The following WWOX variants were observed in gnomAD, a reference collection of about 807,000 sequenced individuals.
WWOX encodes WW domain containing oxidoreductase, also known as WW domain-containing oxidoreductase.
WWOX carries 69 observed loss-of-function variants against 46.2 expected under a neutral mutation model. The ratio of observed to expected loss-of-function variants is 1.49; its 90% CI spans 1.23 to 1.82. The LOEUF is 1.82. WWOX is among the 40% of genes most tolerant of loss of function. The pLI is 0.00. For missense variants in WWOX, 919 were observed against 542.6 expected (o/e 1.69, Z -6.89); for synonymous variants, 359 against 202.6 (o/e 1.77, Z -6.56).
At chr16:78,830,678 G>C (rs2051795093) in intron 8 of WWOX, among the ~76,000 whole-genome samples, 1 of 151,816 alleles carries the variant, frequency 6.6e-6, no homozygotes, top group Admixed American at 6.6e-5. Flanking sequence ...GATTGGGGCT[G>C]ACAGGTACGG....
At chr16:78,768,216 A>G (rs1207575868) in intron 8 of WWOX, among the ~76,000 whole-genome samples, 2 of 147,736 alleles carry the variant, frequency 1.4e-5, no homozygotes, top group Non-Finnish European at 3.0e-5. Flanking sequence ...TGAAGCAACT[A>G]GGTCACAGTA....
chr16:78,771,784 TAAATAAATAA>T lies in WWOX; in HGVS notation c.1056+339034_1056+339043del, dbSNP rs2050070957. On this transcript the variant is annotated intron_variant, in intron 8 of 8. Coordinates refer to ENST00000566780, the MANE Select transcript of WWOX (RefSeq NM_016373.4). ...AAGACTCTGTCTCACAATAAATAAA[TAAATAAATAA>T]ATAAATAAATAAATAAATAAGAGTT... is the stretch of plus-strand genomic sequence containing the variant. 2.7e-5 allele frequency among the ~76,000 whole-genome samples: 4 copies of T among 148,560 alleles called. No individual in the cohort carries two copies. In the South Asian group the frequency reaches 8.4e-4, roughly 31 times the overall value.
chr16:78,756,799 C>T (rs1008339169), intron 8 of WWOX: 4 of 537,604 alleles, frequency 7.4e-6, no homozygotes, highest in Admixed American at 2.8e-5. Context: ...AGCCATGTCT[C>T]AGCATAGTCT....
intron 6 of WWOX, among the ~76,000 whole-genome samples, chr16:78,400,573 C>G (rs2082388854): frequency 6.6e-6 from 1 of 152,058 alleles, no homozygotes; most frequent in Non-Finnish European, 1.5e-5. Context: ...TTTTATTTCC[C>G]AACTTGGCCC....
At chr16:78,726,565 G>C (rs2048841484) in intron 8 of WWOX, among the ~76,000 whole-genome samples, 1 of 149,548 alleles carries the variant, frequency 6.7e-6, no homozygotes, top group South Asian at 2.1e-4. Flanking sequence ...AGTGCTTTTT[G>C]TTCCCCCATG....
intron 4 of WWOX, among the ~76,000 whole-genome samples, chr16:78,150,409 TGCCCAG>T (rs1270458307): frequency 6.6e-6 from 1 of 151,870 alleles, no homozygotes; most frequent in African/African-American, 2.4e-5. Flanking sequence ...CTCGCTCTGT[TGCCCAG>T]GCTGCAGTGC....
At chr16:78,690,456 A>G (rs996370304) in intron 8 of WWOX, among the ~76,000 whole-genome samples, 5 of 152,094 alleles carry the variant, frequency 3.3e-5, no homozygotes, top group African/African-American at 9.7e-5. Context: ...GGAAGCTGAG[A>G]TGGGAGGATT....
At chr16:78,954,419 G>C (rs1229616177) in intron 8 of WWOX, among the ~76,000 whole-genome samples, 1 of 152,180 alleles carries the variant, frequency 6.6e-6, no homozygotes, top group Non-Finnish European at 1.5e-5. Context: ...TGAATGAGTA[G>C]TTGGATGGAT....
chr16:78,294,184 C>T (rs1597451480), intron 5 of WWOX, among the ~76,000 whole-genome samples: 1 of 151,986 alleles, frequency 6.6e-6, no homozygotes, highest in South Asian at 2.1e-4. Flanking sequence ...CATAAGGATT[C>T]TCCCTGCCTC....
At chr16:78,843,470 G>C (rs917615014) in intron 8 of WWOX, among the ~76,000 whole-genome samples, 1 of 150,048 alleles carries the variant, frequency 6.7e-6, no homozygotes, top group Non-Finnish European at 1.5e-5. Context: ...TGTCAGCTTT[G>C]CCTAAGCTTT....
intron 5 of WWOX, among the ~76,000 whole-genome samples, chr16:78,234,776 C>T (rs908151891): frequency 6.7e-5 from 7 of 103,982 alleles, no homozygotes; most frequent in Non-Finnish European, 1.1e-4. Flanking sequence ...AATGATAAAA[C>T]AAAACAAAAC....
intron 8 of WWOX, among the ~76,000 whole-genome samples, chr16:79,138,067 A>C (rs980116936): frequency 1.3e-5 from 2 of 152,182 alleles, no homozygotes; most frequent in African/African-American, 2.4e-5. Context: ...ATACTGTTCA[A>C]CCTTGTGATT....
intron 5 of WWOX, among the ~76,000 whole-genome samples, chr16:78,217,993 C>T (rs1322500957): frequency 2.0e-5 from 3 of 152,262 alleles, no homozygotes; most frequent in African/African-American, 7.2e-5. Flanking sequence ...CAGAGGCCAA[C>T]GTATCTCACC....
chr16:78,503,544 A>C (rs542090605), intron 8 of WWOX: 1 of 152,192 alleles, frequency 6.6e-6, no homozygotes, highest in Non-Finnish European at 1.5e-5. Context: ...TTTTCTCTCT[A>C]AAAGCATAAT....
intron 8 of WWOX, among the ~76,000 whole-genome samples, chr16:78,607,998 T>C (rs1352070586): frequency 2.0e-5 from 3 of 152,214 alleles, no homozygotes; most frequent in African/African-American, 7.2e-5. Flanking sequence ...CTACAAAACA[T>C]AATATTATGT....
chr16:78,313,952 A>G (rs756085680), intron 5 of WWOX, among the ~76,000 whole-genome samples: 5 of 152,170 alleles, frequency 3.3e-5, no homozygotes, highest in Non-Finnish European at 7.3e-5. Flanking sequence ...CCGTGCTGAC[A>G]CAGGTTCAGG....
chr16:79,081,821 T>A (rs2048765824), intron 8 of WWOX, among the ~76,000 whole-genome samples: 1 of 152,100 alleles, frequency 6.6e-6, no homozygotes. Flanking sequence ...CTGTCGTGCT[T>A]GAGTGACAAA....
intron 4 of WWOX, among the ~76,000 whole-genome samples, chr16:78,161,001 G>T (rs2034774206): frequency 1.3e-5 from 2 of 151,756 alleles, no homozygotes; most frequent in Admixed American, 1.3e-4. Context: ...ATTCTTGGTG[G>T]ATTGAAATTT....
chr16:78,349,535 T>C lies in WWOX; in HGVS notation c.517-37325T>C, dbSNP rs1362918365. On this transcript the variant is annotated intron_variant, in intron 5 of 8. Transcript: ENST00000566780. ...AAGCCAGGAGGAGGTCCTAGTCAGC[T>C]GATGTGAGATTACATGGCCCTGACT... Among the ~76,000 whole-genome samples, 3 of 120,808 alleles carry C rather than the reference T, an allele frequency of 2.5e-5. 1 individual carries two copies. The highest frequency in any genetic ancestry group is 3.9e-5 in the Non-Finnish European group (2 of 50,644). 79.3% of individuals were successfully genotyped at this position (120,808 alleles called of 152,430 possible). A position where few individuals can be genotyped will look rare whatever the true frequency, so the allele number is the denominator to read the frequency against.
Sources: allele counts gnomAD v4.1 joint callset (sites outside exome capture counted in the v4.1 genomes callset), GRCh38; gene constraint gnomAD v4.1.1; transcripts MANE v1.5; gene names NCBI Gene and HGNC (gene_info 2026-07-23, HGNC 2026-07-21).